Variants in PRKCH observed in about 807,000 individuals in gnomAD.
The protein encoded by PRKCH is protein kinase C eta type.
Under a neutral mutation model 82.5 loss-of-function variants are expected in PRKCH, and 28 were observed. The ratio of observed to expected loss-of-function variants is 0.34; its 90% CI spans 0.25 to 0.47. The LOEUF (loss-of-function observed/expected upper bound fraction) is 0.47. Ranked by LOEUF, PRKCH falls within the 20% of genes least tolerant of loss-of-function variation. The probability of loss-of-function intolerance (pLI) is 1.00; values close to 1 mark genes in which losing one functional copy is unlikely to be tolerated. For missense variants in PRKCH, 705 were observed against 881.8 expected, an observed-to-expected ratio of 0.80 and a Z score of 2.54; for synonymous variants, 322 against 327.4, an observed-to-expected ratio of 0.98 and a Z score of 0.18.
chr14:61,225,530 C>T (rs1174866646), intron 1 of PRKCH, among the ~76,000 whole-genome samples: 1 of 152,204 alleles, frequency 6.6e-6, no homozygotes, highest in Non-Finnish European at 1.5e-5. Flanking sequence ...CTGTGAAGGG[C>T]TCACAGGCCA....
At chr14:61,392,829 C>T (rs1241905100) in intron 2 of PRKCH, among the ~76,000 whole-genome samples, 1 of 144,954 alleles carries the variant, frequency 6.9e-6, no homozygotes, top group Non-Finnish European at 1.5e-5. Context: ...AAGATATTCT[C>T]CTGTTTCTTT....
chr14:61,227,053 A>G (rs2044702316), intron 1 of PRKCH, among the ~76,000 whole-genome samples: 1 of 152,234 alleles, frequency 6.6e-6, no homozygotes, highest in Non-Finnish European at 1.5e-5. Context: ...AGATTAACTT[A>G]GCCACTTTGC....
intron 1 of PRKCH, among the ~76,000 whole-genome samples, chr14:61,339,437 C>T (rs2045901467): frequency 6.6e-6 from 1 of 150,884 alleles, no homozygotes; most frequent in Non-Finnish European, 1.5e-5. Flanking sequence ...CATTCTCCTG[C>T]CTCAGCCTCC....
At chr14:61,238,840 G>T (rs1014792509) in intron 1 of PRKCH, among the ~76,000 whole-genome samples, 1 of 152,142 alleles carries the variant, frequency 6.6e-6, no homozygotes. Context: ...ACTGGGTAAA[G>T]CTTCTCGAAC....
In PRKCH at chr14:61,449,222, C is replaced by T. The variant is rs1295925847; in HGVS notation, c.672C>T (p.Cys224=). 2 of 1,613,730 alleles carry T rather than the reference C, an allele frequency of 1.2e-6. No homozygotes were observed. Among genetic ancestry groups the T allele is most frequent in the Non-Finnish European group, 8.5e-7 (1 of 1,179,840 alleles). The change falls in exon 5 of 14, where the codon TGC becomes TGT. Residue 224 remains cysteine (C), a synonymous_variant. Transcript: ENST00000332981. ...CHHLIVTACT[C]QNNINKVDSK... is the part of the protein sequence containing the mutation. ...ATCTAATTGTTACAGCCTGTACTTG[C>T]CAAAACAATATTAACAAAGTGGATT...
chr14:61,382,420 A>T (rs1252492268), intron 1 of PRKCH, among the ~76,000 whole-genome samples: 1 of 152,040 alleles, frequency 6.6e-6, no homozygotes, highest in African/African-American at 2.4e-5. Flanking sequence ...ACAGAGCCAG[A>T]CTCTGTCTCA....
intron 9 of PRKCH, among the ~76,000 whole-genome samples, chr14:61,465,289 G>C (rs1220000717): frequency 6.6e-6 from 1 of 152,168 alleles, no homozygotes; most frequent in Non-Finnish European, 1.5e-5. Context: ...ATTTTAAAAA[G>C]CCATTGCCTA....
In PRKCH at chr14:61,458,923, G is replaced by C. The variant is rs117254160; in HGVS notation, c.1278+1244G>C. ...GAGATTCCAATTCAACATGAGATCT[G>C]GGTGGGGACACACAGCCAAACCATA... On this transcript the variant is annotated intron_variant, in intron 9 of 13. Transcript: ENST00000332981. Among the ~76,000 whole-genome samples the C allele has an allele frequency of 1.3e-3, 198 of 152,290 alleles. 2 individuals carry two copies. Among genetic ancestry groups the C allele is most frequent in the Admixed American group, 2.2e-3 (33 of 15,302 alleles).
At chr14:61,263,386 TTA>T (rs2045067864) in intron 1 of PRKCH, among the ~76,000 whole-genome samples, 1 of 152,208 alleles carries the variant, frequency 6.6e-6, no homozygotes, top group African/African-American at 2.4e-5. Flanking sequence ...TAAGATTCAT[TTA>T]TGTTATTGTG....
chr14:61,302,934 T>C (rs1426557113), intron 1 of PRKCH: 1 of 152,170 alleles, frequency 6.6e-6, no homozygotes, highest in Non-Finnish European at 1.5e-5. Flanking sequence ...CACATATCTA[T>C]GTCTAGTTCT....
chr14:61,248,764 GT>G (rs1160972554), intron 1 of PRKCH, among the ~76,000 whole-genome samples: 1 of 94,496 alleles, frequency 1.1e-5, no homozygotes, highest in Non-Finnish European at 2.0e-5. Context: ...ATGTATGTAT[GT>G]ATGTATGTAT....
At chr14:61,402,434 C>T (rs1261045796) in intron 2 of PRKCH, among the ~76,000 whole-genome samples, 1 of 152,212 alleles carries the variant, frequency 6.6e-6, no homozygotes, top group Non-Finnish European at 1.5e-5. Context: ...CTGTGTGAGG[C>T]TGGACTGTAT....
intron 1 of PRKCH, among the ~76,000 whole-genome samples, chr14:61,346,145 A>G (rs2045989578): frequency 6.6e-6 from 1 of 152,136 alleles, no homozygotes; most frequent in South Asian, 2.1e-4. Context: ...CAGCTCCCCA[A>G]ATGGACATGC....
At position 61,485,177 on chromosome 14, in the gene PRKCH, A is replaced by G. The variant is rs533154579; in HGVS notation, c.1279-325A>G. On this transcript the variant is annotated intron_variant, in intron 9 of 13. Coordinates refer to ENST00000332981, the MANE Select transcript of PRKCH (RefSeq NM_006255.5). ...ATTAAAGGCATTTACCTTTCGATTT[A>G]CATTCTCTCTCCAGGTACATGACCT... Among the ~76,000 whole-genome samples, 10 of 152,262 alleles carry G rather than the reference A, an allele frequency of 6.6e-5. No individual in the cohort carries two copies. In the South Asian group the frequency reaches 2.1e-3, roughly 32 times the overall value.
rs747230804 is a variant in PRKCH at position 61,391,265 on chromosome 14, C to T, written c.404C>T (p.Thr135Ile). ...EPEGKVFVVI[T>I]LTGSFTEATL... ...GAGGGGAAAGTATTTGTGGTAATAA[C>T]CCTTACCGGGAGTTTCACTGAAGGT... Residue 135 changes from threonine to isoleucine, a missense_variant, in exon 2 of 14, where the codon ACC becomes ATC. Transcript: ENST00000332981. 6.2e-7 allele frequency: 1 copy of T among 1,610,758 alleles called. No homozygotes were observed. Among genetic ancestry groups the T allele is most frequent in the South Asian group, 1.1e-5 (1 of 90,202 alleles).
At chr14:61,400,124 T>C (rs1418823506) in intron 2 of PRKCH, among the ~76,000 whole-genome samples, 2 of 152,210 alleles carry the variant, frequency 1.3e-5, no homozygotes, top group African/African-American at 4.8e-5. Flanking sequence ...ACATTTCTTG[T>C]CTCAAGCCCA....
rs187727976 is a variant in PRKCH, at chr14:61,370,409, A to G, written c.364-20816A>G. On this transcript the variant is annotated intron_variant, in intron 1 of 13. Transcript: ENST00000332981. ...CCTGGAGTTTGTTAAGTGCGATGCCAGTTTGCTAGGCCTGGGGGTGGGGCC... is the reference window on the plus strand; with the variant it reads ...CCTGGAGTTTGTTAAGTGCGATGCCGGTTTGCTAGGCCTGGGGGTGGGGCC... Among the ~76,000 whole-genome samples the G allele has an allele frequency of 1.8e-3, 270 of 152,220 alleles. 4 individuals are homozygous for G. The highest frequency in any genetic ancestry group is 6.3e-3 in the African/African-American group (260 of 41,450).
At chr14:61,405,220 A>T (rs1881873849) in intron 2 of PRKCH, among the ~76,000 whole-genome samples, 1 of 152,232 alleles carries the variant, frequency 6.6e-6, no homozygotes, top group South Asian at 2.1e-4. Flanking sequence ...TAAAAGTTCA[A>T]ATTGACTGTC....
chr14:61,331,089 G>T (rs1426270544), intron 1 of PRKCH, among the ~76,000 whole-genome samples: 1 of 152,146 alleles, frequency 6.6e-6, no homozygotes, highest in East Asian at 1.9e-4. Flanking sequence ...TAACTCATGA[G>T]AAGTGTAATA....
Sources: allele counts gnomAD v4.1 joint callset (sites outside exome capture counted in the v4.1 genomes callset), GRCh38; gene constraint gnomAD v4.1.1; transcripts MANE v1.5; gene names NCBI Gene and HGNC (gene_info 2026-07-23, HGNC 2026-07-21).